Variants in CDH13 observed in about 807,000 individuals in gnomAD.
The protein encoded by CDH13 is cadherin 13, also known as cadherin-13.
In CDH13, 24 loss-of-function variants were observed where a neutral mutation model predicts 63.8. The ratio of observed to expected loss-of-function variants is 0.38; its 90% CI spans 0.27 to 0.53. CDH13 has a LOEUF of 0.53. Ranked by LOEUF, CDH13 falls within the 20% of genes least tolerant of loss-of-function variation. The probability of loss-of-function intolerance (pLI) is 0.85; values close to 1 mark genes in which losing one functional copy is unlikely to be tolerated. For missense variants in CDH13, 1,049 were observed against 903.1 expected (o/e 1.16, Z -2.07); for synonymous variants, 503 against 355.3 (o/e 1.42, Z -4.67).
At position 82,919,371 on chromosome 16, in the gene CDH13, C is replaced by T. The variant is rs920373134; in HGVS notation, c.157+60898C>T. On this transcript the variant is annotated intron_variant, in intron 2 of 13. Coordinates refer to ENST00000567109, the MANE Select transcript of CDH13 (RefSeq NM_001257.5). ...TCCTCTTTCTCCTCCCACCCTCCACCCTCAAATAGGTCCCAGTGTCTGTTG... is the reference window on the plus strand; with the variant it reads ...TCCTCTTTCTCCTCCCACCCTCCACTCTCAAATAGGTCCCAGTGTCTGTTG... Among the ~76,000 whole-genome samples the T allele has an allele frequency of 1.5e-4, 23 of 152,122 alleles. 1 individual carries two copies. Among genetic ancestry groups the T allele is most frequent in the Admixed American group, 1.5e-3 (23 of 15,270 alleles).
chr16:83,665,005 G>T (rs150263237), intron 8 of CDH13, among the ~76,000 whole-genome samples: 1 of 152,138 alleles, frequency 6.6e-6, no homozygotes, highest in Non-Finnish European at 1.5e-5. Context: ...ATGAATTGTT[G>T]TATCTTTCCG....
chr16:83,148,166 G>C (rs575035098), intron 4 of CDH13, among the ~76,000 whole-genome samples: 33 of 152,266 alleles, frequency 2.2e-4, no homozygotes, highest in African/African-American at 7.7e-4. Context: ...CTGAACTCCT[G>C]ACCTCAAGTG....
At chr16:83,146,234 G>A (rs2036746237) in intron 4 of CDH13, among the ~76,000 whole-genome samples, 1 of 151,670 alleles carries the variant, frequency 6.6e-6, no homozygotes, top group South Asian at 2.1e-4. Flanking sequence ...AGGAGGGAAG[G>A]AAGGCAGGAA....
intron 6 of CDH13, among the ~76,000 whole-genome samples, chr16:83,353,317 G>A (rs534589381): frequency 6.6e-6 from 1 of 152,188 alleles, no homozygotes; most frequent in Admixed American, 6.5e-5. Context: ...CAAGACAGTC[G>A]GCTCCCTTGT....
chr16:83,095,805 C>T (rs1183109050), intron 3 of CDH13, among the ~76,000 whole-genome samples: 2 of 152,104 alleles, frequency 1.3e-5, no homozygotes, highest in Non-Finnish European at 2.9e-5. Flanking sequence ...GTGGAATGAA[C>T]CACATAGACT....
chr16:82,999,739 C>T (rs186097343), intron 2 of CDH13, among the ~76,000 whole-genome samples: 1 of 152,268 alleles, frequency 6.6e-6, no homozygotes, highest in African/African-American at 2.4e-5. Flanking sequence ...GGCAAGGACC[C>T]CTCTCCAGCA....
At chr16:83,456,844 C>G (rs2073037429) in intron 6 of CDH13, among the ~76,000 whole-genome samples, 1 of 152,152 alleles carries the variant, frequency 6.6e-6, no homozygotes, top group African/African-American at 2.4e-5. Flanking sequence ...CACCTGTAAT[C>G]CCAGCTACTC....
chr16:83,208,972 A>T (rs1033753175), intron 4 of CDH13, among the ~76,000 whole-genome samples: 1 of 152,168 alleles, frequency 6.6e-6, no homozygotes, highest in South Asian at 2.1e-4. Flanking sequence ...TCCCTTTTCA[A>T]CTCCTAAGCA....
chr16:83,570,309 C>G (rs1192478493), intron 7 of CDH13, among the ~76,000 whole-genome samples: 2 of 152,140 alleles, frequency 1.3e-5, no homozygotes, highest in African/African-American at 4.8e-5. Context: ...GGGGTCTTTT[C>G]TGTCTGTTCA....
At chr16:83,744,636 C>T (rs754394761) in intron 10 of CDH13, among the ~76,000 whole-genome samples, 1 of 152,168 alleles carries the variant, frequency 6.6e-6, no homozygotes, top group Non-Finnish European at 1.5e-5. Flanking sequence ...AGGGAGGACA[C>T]ACAGGGCCAT....
chr16:82,861,661 A>T lies in CDH13; in HGVS notation c.157+3188A>T, dbSNP rs757526816. Among the ~76,000 whole-genome samples, 11 of 151,994 alleles carry T rather than the reference A, an allele frequency of 7.2e-5. 1 individual carries two copies. Among genetic ancestry groups the T allele is most frequent in the Admixed American group, 7.2e-4 (11 of 15,268 alleles). On this transcript the variant is annotated intron_variant, in intron 2 of 13. Coordinates refer to ENST00000567109, the MANE Select transcript of CDH13 (RefSeq NM_001257.5). ...ACTCCTTTTATTTCCCTAATATTTT[A>T]TTCACTGTTATCTCTGATACATCTT...
At chr16:83,708,884 T>C (rs1339767343) in intron 10 of CDH13, among the ~76,000 whole-genome samples, 5 of 151,906 alleles carry the variant, frequency 3.3e-5, no homozygotes, top group Non-Finnish European at 7.4e-5. Context: ...ATTAGCTGAG[T>C]GTGGTGGCAT....
At chr16:82,988,951 C>G (rs888391309) in intron 2 of CDH13, among the ~76,000 whole-genome samples, 4 of 152,062 alleles carry the variant, frequency 2.6e-5, no homozygotes, top group Non-Finnish European at 5.9e-5. Flanking sequence ...TGTCTCATTT[C>G]TTTTTATATC....
At chr16:82,947,093 C>T (rs1159976678) in intron 2 of CDH13, among the ~76,000 whole-genome samples, 1 of 151,474 alleles carries the variant, frequency 6.6e-6, no homozygotes, top group South Asian at 2.1e-4. Context: ...TTATTCCTCT[C>T]TCTGATTACT....
rs1904290373 is a variant in CDH13 at position 83,797,901 on chromosome 16, A to T, written c.*2871A>T. The T allele has an allele frequency of 6.6e-6, 1 of 152,242 alleles. No homozygotes were observed. Among genetic ancestry groups the T allele is most frequent in the South Asian group, 2.1e-4 (1 of 4,828 alleles). The allele number at this position is 152,242 out of a possible 1,614,324, so 9.4% of individuals were successfully genotyped here. The stretch of plus-strand genomic sequence containing the variant: ...ATTTTGGATAATTTGTTTTAATAAG[A>T]ATATGCACACATTTTCTAATTTCAA... On this transcript the variant is annotated 3_prime_UTR_variant, in exon 14 of 14. Transcript: ENST00000567109.
chr16:83,705,844 A>C (rs142268740), intron 10 of CDH13, among the ~76,000 whole-genome samples: 1 of 152,198 alleles, frequency 6.6e-6, no homozygotes, highest in East Asian at 1.9e-4. Flanking sequence ...TTCAAGCACC[A>C]ACAATCTCTA....
chr16:83,566,492 A>G (rs1326094556), intron 7 of CDH13, among the ~76,000 whole-genome samples: 1 of 147,304 alleles, frequency 6.8e-6, no homozygotes, highest in Admixed American at 6.9e-5. Flanking sequence ...CCTGGCTCTC[A>G]AAGGCAGAGC....
chr16:82,746,943 T>A (rs981353550), intron 1 of CDH13, among the ~76,000 whole-genome samples: 7 of 152,222 alleles, frequency 4.6e-5, no homozygotes, highest in African/African-American at 1.7e-4. Context: ...TTCGTTTTTA[T>A]ATTCCTGACA....
At chr16:83,323,518 C>T (rs144607545) in intron 5 of CDH13, among the ~76,000 whole-genome samples, 1,967 of 151,842 alleles carry the variant, frequency 0.013, 19 homozygotes, top group Non-Finnish European at 0.019. Flanking sequence ...TGACTTCAGG[C>T]GATCCACCTG....
Sources: allele counts gnomAD v4.1 joint callset (sites outside exome capture counted in the v4.1 genomes callset), GRCh38; gene constraint gnomAD v4.1.1; transcripts MANE v1.5; gene names NCBI Gene and HGNC (gene_info 2026-07-23, HGNC 2026-07-21).